MTMR14: variants seen among roughly 807,000 people sequenced by gnomAD.
MTMR14 encodes the protein myotubularin related protein 14, also known as phosphatidylinositol-3,5-bisphosphate 3-phosphatase MTMR14.
MTMR14 carries 48 observed loss-of-function variants against 86.3 expected under a neutral mutation model. The observed-to-expected ratio is 0.56, with a 90% CI of 0.44 to 0.71. The LOEUF is 0.71. Ranked by LOEUF, MTMR14 falls within the 30% of genes least tolerant of loss-of-function variation. The probability of loss-of-function intolerance (pLI) is 0.00; values close to 1 mark genes in which losing one functional copy is unlikely to be tolerated. For synonymous variants in MTMR14, 366 were observed against 326.1 expected (o/e 1.12, Z -1.32); for missense variants, 780 against 834.6 (o/e 0.93, Z 0.81).
At chr3:9,665,073 G>T (rs1014329162) in intron 3 of MTMR14, among the ~76,000 whole-genome samples, 2 of 152,084 alleles carry the variant, frequency 1.3e-5, no homozygotes, top group African/African-American at 4.8e-5. Context: ...CGTGAGGTCA[G>T]GAGTTCGAGA....
chr3:9,687,512 G>A (rs1192757976), intron 13 of MTMR14, among the ~76,000 whole-genome samples: 6 of 151,674 alleles, frequency 4.0e-5, no homozygotes, highest in Non-Finnish European at 4.4e-5. Flanking sequence ...CCGAGATCAC[G>A]CCATTGCACT....
chr3:9,655,490 G>GTCT (rs368537683), intron 2 of MTMR14, among the ~76,000 whole-genome samples: 97,732 of 116,542 alleles, frequency 0.84, 41,586 homozygotes, highest in East Asian at 0.98. Flanking sequence ...TTGAGACAGA[G>GTCT]TGCTCTGTCA....
intron 5 of MTMR14, 28 bp downstream of exon 5, chr3:9,669,520 G>T: frequency 6.2e-7 from 1 of 1,605,752 alleles, no homozygotes; most frequent in South Asian, 1.1e-5. Flanking sequence ...GTGGTCAGGG[G>T]CTTGTGTTGG....
chr3:9,662,237 C>T (rs368174492), intron 2 of MTMR14, 30 bp from the exon 3 acceptor site: 5 of 1,594,830 alleles, frequency 3.1e-6, no homozygotes, highest in Non-Finnish European at 2.6e-6. Context: ...TCAAAGTCAG[C>T]TTGACCTGCT....
At chr3:9,670,050 A>C (rs1367993654) in intron 5 of MTMR14, among the ~76,000 whole-genome samples, 2 of 152,158 alleles carry the variant, frequency 1.3e-5, no homozygotes, top group African/African-American at 4.8e-5. Context: ...GCTGGTTCAC[A>C]CTCTTGCTAT....
In MTMR14 at chr3:9,678,159, G is replaced by C. The variant is rs966272541; in HGVS notation, c.897+101G>C. 25 of 1,241,550 alleles carry C rather than the reference G, an allele frequency of 2.0e-5. No individual in the cohort carries two copies. In the Admixed American group the frequency reaches 4.8e-4, roughly 24 times the overall value. 76.9% of individuals were successfully genotyped at this position (1,241,550 alleles called of 1,614,324 possible). ...AAGGCCCTCGTGTGTTTGCCTGATG[G>C]GCTGGCTTGTGCACTCAGATGCCTT... On this transcript the variant is annotated intron_variant, in intron 9 of 18. Coordinates refer to ENST00000296003, the MANE Select transcript of MTMR14 (RefSeq NM_001077525.3).
chr3:9,697,604 A>G (rs2125403241), intron 17 of MTMR14, 107 bp from the exon 18 acceptor site: 1 of 1,314,704 alleles, frequency 7.6e-7, no homozygotes, highest in African/African-American at 1.5e-5. Flanking sequence ...GTGATTGACA[A>G]CAGAACCTAG....
chr3:9,668,589 GATAA>G (rs1317476472), intron 3 of MTMR14, 126 bp from the exon 4 acceptor site: 3 of 863,894 alleles, frequency 3.5e-6, no homozygotes, highest in Non-Finnish European at 5.8e-6. Context: ...CCTTGATGCT[GATAA>G]AACTTTGGGG....
chr3:9,672,130 G>A (rs1574993812), intron 6 of MTMR14, among the ~76,000 whole-genome samples: 1 of 152,302 alleles, frequency 6.6e-6, no homozygotes, highest in East Asian at 1.9e-4. Flanking sequence ...TGTGCATTTT[G>A]GGGTCAGGTG....
chr3:9,699,626 A>G (rs953156478), intron 18 of MTMR14: 6 of 152,360 alleles, frequency 3.9e-5, no homozygotes, highest in African/African-American at 1.4e-4. Context: ...TCAAGAAGGA[A>G]TGGCACTGTA....
intron 9 of MTMR14, among the ~76,000 whole-genome samples, chr3:9,678,664 T>C (rs2075661663): frequency 6.6e-6 from 1 of 152,250 alleles, no homozygotes; most frequent in African/African-American, 2.4e-5. Context: ...CTTCCTCTTG[T>C]CTGGCTGACA....
intron 5 of MTMR14, 87 bp downstream of exon 5, chr3:9,669,579 A>G: frequency 5.7e-6 from 8 of 1,392,752 alleles, no homozygotes; most frequent in Non-Finnish European, 7.9e-6. Context: ...GTCCGTGGGT[A>G]TTTGTCACTG....
At chr3:9,672,896 G>T in intron 7 of MTMR14, 138 bp downstream of exon 7, 1 of 814,208 alleles carries the variant, frequency 1.2e-6, no homozygotes, top group Non-Finnish European at 2.1e-6. Context: ...AGGACATTTT[G>T]GTTCCCAGTC....
rs887834203 is a variant in MTMR14, at chr3:9,678,116, T to C, written c.897+58T>C. 15 of 1,562,556 alleles carry C rather than the reference T, an allele frequency of 9.6e-6. No homozygotes were observed. In the African/African-American group the frequency reaches 1.8e-4, roughly 18 times the overall value. ...ATAAGGGAGTGGTGACCAAGGAGACTCTTGATGCCTGCCCCACAAGGCCCT... is the reference window on the plus strand; with the variant it reads ...ATAAGGGAGTGGTGACCAAGGAGACCCTTGATGCCTGCCCCACAAGGCCCT... On this transcript the variant is annotated intron_variant, in intron 9 of 18. Transcript: ENST00000296003.
intron 17 of MTMR14, among the ~76,000 whole-genome samples, chr3:9,695,413 G>A (rs1575084716): frequency 1.3e-5 from 2 of 152,328 alleles, no homozygotes; most frequent in African/African-American, 4.8e-5. Flanking sequence ...GCAGAAGATG[G>A]CTGCTTGCTG....
At position 9,688,955 on chromosome 3, in the gene MTMR14, C is replaced by A; in HGVS notation, c.1306C>A (p.Arg436Ser). ...CTGGCTTCTTTTAGGACGAAAGGAC[C>A]GTGGCAGCACCACCAGCCTTGGCAG... is the stretch of plus-strand genomic sequence containing the variant. ...EDICMLRRKD[R>S]GSTTSLGSDF... Residue 436 changes from arginine to serine, a missense_variant, in exon 16 of 19, where the codon CGT (arginine) becomes AGT (serine). Arg to Ser is a moderately radical substitution (Grantham distance 110). Transcript: ENST00000296003. The A allele has an allele frequency of 6.2e-7, 1 of 1,613,978 alleles. No individual in the cohort carries two copies.
intron 17 of MTMR14, among the ~76,000 whole-genome samples, chr3:9,693,308 C>CTA (rs35684814): frequency 0.24 from 36,990 of 151,988 alleles, 6,236 homozygotes; most frequent in African/African-American, 0.47. Flanking sequence ...ATCAGATAAT[C>CTA]GAGATGATTT....
Position 9,660,363 on chromosome 3 carries a change from G to C in MTMR14, c.309-1904G>C, listed in dbSNP as rs293792. On this transcript the variant is annotated intron_variant, in intron 2 of 18. Transcript: ENST00000296003. ...AAACTCTGCCTCCCGGGTTCAAGCA[G>C]TTCTCCTGCCTCAGCCTCCTGAGTA... Among the ~76,000 whole-genome samples, 3 of 151,874 alleles carry C rather than the reference G, an allele frequency of 2.0e-5. No homozygotes were observed. The South Asian group carries it at 6.2e-4, about 32-fold the overall frequency.
Position 9,684,650 on chromosome 3 carries a change from C to G in MTMR14, c.1030C>G (p.Leu344Val). Residue 344 changes from leucine to valine, a missense_variant, in exon 11 of 19, where the codon CTG (leucine) becomes GTG (valine). By Grantham distance (32) the Leu-to-Val change is conservative. Coordinates refer to ENST00000296003, the MANE Select transcript of MTMR14 (RefSeq NM_001077525.3). ...TCGGACCCCCCTCTTCATCTCCCTC[C>G]TGCGCCTTTCCTTGTGGGCTGTGAG... ...WDRTPLFISL[L>V]RLSLWADGLI... is the part of the protein sequence containing the mutation. The G allele has an allele frequency of 6.2e-7, 1 of 1,614,194 alleles. No individual in the cohort carries two copies. The highest frequency in any genetic ancestry group is 8.5e-7 in the Non-Finnish European group (1 of 1,180,034).
Sources: allele counts gnomAD v4.1 joint callset (sites outside exome capture counted in the v4.1 genomes callset), GRCh38; gene constraint gnomAD v4.1.1; transcripts MANE v1.5; gene names NCBI Gene and HGNC (gene_info 2026-07-23, HGNC 2026-07-21).